Variants in TNNI1 observed in about 807,000 individuals in gnomAD.
The protein encoded by TNNI1 is troponin I1, slow skeletal type.
A neutral mutation model predicts 26.7 loss-of-function variants in TNNI1; 14 were observed. The ratio of observed to expected loss-of-function variants is 0.52; its 90% CI spans 0.35 to 0.82. TNNI1 has a LOEUF of 0.82. Ranked by LOEUF, TNNI1 falls within the 40% of genes least tolerant of loss-of-function variation. TNNI1 has a pLI of 0.01. For missense variants in TNNI1, 164 were observed against 257.0 expected (o/e 0.64, Z 2.47); for synonymous variants, 79 against 98.2 (o/e 0.80, Z 1.16).
At position 201,412,912 on chromosome 1, in the gene TNNI1, T is replaced by C; in HGVS notation, c.279+120A>G. 3 of 971,972 alleles carry C rather than the reference T, an allele frequency of 3.1e-6. No homozygotes were observed. The East Asian group carries it at 7.2e-5, about 23-fold the overall frequency. 60.2% of individuals were successfully genotyped at this position (971,972 alleles called of 1,614,324 possible). A position where few individuals can be genotyped will look rare whatever the true frequency, so the allele number is the denominator to read the frequency against. On this transcript the variant is annotated intron_variant, in intron 6 of 8. Coordinates refer to ENST00000361379, the MANE Select transcript of TNNI1 (RefSeq NM_003281.4). Reference sequence around the variant, plus strand: ...CTAGGGCAGACAAACCAAAGTTTCCTGCTTAAGTGGCCCCTTCCTAGGCCC... The same window carrying C: ...CTAGGGCAGACAAACCAAAGTTTCCCGCTTAAGTGGCCCCTTCCTAGGCCC...
intron 7 of TNNI1, 65 bp from the exon 8 acceptor site, chr1:201,410,500 G>A: frequency 1.4e-6 from 2 of 1,415,780 alleles, no homozygotes; most frequent in South Asian, 2.3e-5. Flanking sequence ...CTCAAGAGAA[G>A]CTGGGTGATA....
intron 5 of TNNI1, among the ~76,000 whole-genome samples, chr1:201,413,641 A>T (rs577990838): frequency 1.3e-5 from 2 of 151,950 alleles, no homozygotes; most frequent in East Asian, 3.9e-4. Flanking sequence ...GCTACTTAGT[A>T]GATTGAGACA....
intron 6 of TNNI1, among the ~76,000 whole-genome samples, chr1:201,412,342 G>A (rs181124195): frequency 6.6e-6 from 1 of 152,276 alleles, no homozygotes; most frequent in African/African-American, 2.4e-5. Flanking sequence ...TCTAGGGGGA[G>A]TTCTTAGGAG....
At chr1:201,413,785 C>G (rs1341982863) in intron 5 of TNNI1, among the ~76,000 whole-genome samples, 1 of 152,122 alleles carries the variant, frequency 6.6e-6, no homozygotes, top group Non-Finnish European at 1.5e-5. Context: ...TCATTGCAGC[C>G]TCAACCTCCT....
At chr1:201,410,815 A>G (rs1251626457) in intron 7 of TNNI1, among the ~76,000 whole-genome samples, 1 of 152,112 alleles carries the variant, frequency 6.6e-6, no homozygotes, top group Admixed American at 6.5e-5. Context: ...TTTCCTCAGT[A>G]TATTGTCTGG....
At chr1:201,415,284 G>A (rs1263901438) in intron 3 of TNNI1, 30 bp from the exon 4 acceptor site, 7 of 1,612,694 alleles carry the variant, frequency 4.3e-6, no homozygotes, top group Non-Finnish European at 5.9e-6. Context: ...GAGACAGGTG[G>A]TGAGGCAGAG....
At chr1:201,416,994 C>A in intron 3 of TNNI1, 122 bp downstream of exon 3, 2 of 1,162,112 alleles carry the variant, frequency 1.7e-6, no homozygotes, top group Non-Finnish European at 1.3e-6. Flanking sequence ...TACCCTACAC[C>A]CCCTGGACTC....
chr1:201,411,351 C>T lies in TNNI1; in HGVS notation c.456+6G>A, dbSNP rs1332787479. The T allele has an allele frequency of 6.2e-7, 1 of 1,613,204 alleles. No homozygotes were observed. The highest frequency in any genetic ancestry group is 1.3e-5 in the African/African-American group (1 of 74,874). ...GGGTGGAATGTTCTGAGGAAAGGGA[C>T]CTCACCTTCTCTGTGTCTTCCTTCT... is the stretch of plus-strand genomic sequence containing the variant. On this transcript the variant is annotated splice_donor_region_variant and intron_variant, in intron 7 of 8. Transcript: ENST00000361379. The surrounding 1 kb of genome is among the most constrained non-coding windows in gnomAD (Gnocchi z 4.6).
intron 2 of TNNI1, 113 bp downstream of exon 2, chr1:201,417,670 C>T: frequency 2.2e-6 from 2 of 922,848 alleles, no homozygotes; most frequent in East Asian, 6.2e-5. Flanking sequence ...AGGACCTGGT[C>T]TCTTAGGGAA....
At chr1:201,418,289 T>C (rs1662791259) in intron 1 of TNNI1, among the ~76,000 whole-genome samples, 1 of 151,724 alleles carries the variant, frequency 6.6e-6, no homozygotes, top group South Asian at 2.1e-4. Flanking sequence ...GCCAATATGG[T>C]CAAACCCCGT....
At position 201,405,875 on chromosome 1, in the gene TNNI1, G is replaced by C. The variant is rs1438326980; in HGVS notation, c.*3378C>G. 1 of 152,366 alleles carries C rather than the reference G, an allele frequency of 6.6e-6. No individual in the cohort carries two copies. Among genetic ancestry groups the C allele is most frequent in the East Asian group, 1.9e-4 (1 of 5,200 alleles). The allele number at this position is 152,366 out of a possible 1,614,324, so 9.4% of individuals were successfully genotyped here. A position where few individuals can be genotyped will look rare whatever the true frequency, so the allele number is the denominator to read the frequency against. On this transcript the variant is annotated 3_prime_UTR_variant, in exon 9 of 9. Coordinates refer to ENST00000361379, the MANE Select transcript of TNNI1 (RefSeq NM_003281.4). ...GGCCCATCTCCACCAGCTGCAGAGA[G>C]AGGGGGTGCCCACCCAGCTATTGTG...
chr1:201,420,865 C>T (rs1267129989), intron 1 of TNNI1, among the ~76,000 whole-genome samples: 3 of 152,184 alleles, frequency 2.0e-5, no homozygotes, highest in African/African-American at 7.2e-5. Flanking sequence ...CAGGTGCTGC[C>T]TTCAGCCCCC....
intron 5 of TNNI1, 82 bp downstream of exon 5, chr1:201,414,436 C>G: frequency 7.8e-7 from 1 of 1,285,258 alleles, no homozygotes; most frequent in Non-Finnish European, 1.0e-6. Context: ...GGTGTTAGTT[C>G]AGGCTCCTGC....
At chr1:201,417,453 T>A (rs954730658) in intron 2 of TNNI1, among the ~76,000 whole-genome samples, 2 of 152,070 alleles carry the variant, frequency 1.3e-5, no homozygotes, top group African/African-American at 4.8e-5. Context: ...CACGGGTGCG[T>A]GGGTAAATTC....
At chr1:201,415,534 T>C (rs1240018371) in intron 3 of TNNI1, among the ~76,000 whole-genome samples, 1 of 151,510 alleles carries the variant, frequency 6.6e-6, no homozygotes, top group African/African-American at 2.4e-5. Context: ...ACATGGCTTC[T>C]ACAGGCACCT....
chr1:201,414,231 C>A lies in TNNI1; in HGVS notation c.189+287G>T, dbSNP rs950567746. 2.0e-5 allele frequency among the ~76,000 whole-genome samples: 3 copies of A among 152,184 alleles called. No individual in the cohort carries two copies. In the East Asian group the frequency reaches 5.8e-4, roughly 29 times the overall value. ...GTGGGGCTTCTCCCAACCCCGGCCG[C>A]CTCCCCACTCCATGCCACCACACTG... On this transcript the variant is annotated intron_variant, in intron 5 of 8. Coordinates refer to ENST00000361379, the MANE Select transcript of TNNI1 (RefSeq NM_003281.4).
In TNNI1 at chr1:201,411,398, G is replaced by A. The variant is rs1485635367; in HGVS notation, c.415C>T (p.Arg139Trp). The stretch of plus-strand genomic sequence containing the variant: ...TTCTTCACAGACTTGAGGTTGGCCC[G>A]CAGATCCATGGACACCTTGTGCTTG... ...GSKHKVSMDL[R>W]ANLKSVKKED... Residue 139 changes from arginine (R) to tryptophan (W), a missense_variant, in exon 7 of 9, where the codon CGG (arginine) becomes TGG (tryptophan). By Grantham distance (101) the Arg-to-Trp change is moderately radical. Coordinates refer to ENST00000361379, the MANE Select transcript of TNNI1 (RefSeq NM_003281.4). The surrounding 1 kb of genome is among the most constrained non-coding windows in gnomAD (Gnocchi z 4.6). 2 of 1,613,712 alleles carry A rather than the reference G, an allele frequency of 1.2e-6. No individual in the cohort carries two copies. Among genetic ancestry groups the A allele is most frequent in the East Asian group, 2.2e-5 (1 of 44,858 alleles).
At chr1:201,418,446 T>C (rs1366495723) in intron 1 of TNNI1, among the ~76,000 whole-genome samples, 6 of 136,804 alleles carry the variant, frequency 4.4e-5, no homozygotes, top group African/African-American at 1.4e-4. Context: ...CCAGCCTGGG[T>C]AACAGAATGA....
At position 201,415,234 on chromosome 1, in the gene TNNI1, G is replaced by A. The variant is rs1662713016; in HGVS notation, c.36C>T (p.Ala12=). 6.2e-7 allele frequency: 1 copy of A among 1,614,166 alleles called. No individual in the cohort carries two copies. Among genetic ancestry groups the A allele is most frequent in the Non-Finnish European group, 8.5e-7 (1 of 1,180,036 alleles). The part of the protein sequence containing the change: ...PEVERKPKIT[A]SRKLLLKSLM... ...TCACCTTCAGCAAGAGTTTGCGGGA[G>A]GCAGTGATCTTGGGTTTTCTCTGTG... Residue 12 remains alanine (A), a synonymous_variant, in exon 4 of 9, where the codon GCC becomes GCT. Transcript: ENST00000361379.
Sources: gnomAD v4.1 joint callset for allele counts (sites outside exome capture counted in the v4.1 genomes callset) on GRCh38, gnomAD v4.1.1 for gene constraint, Gnocchi (gnomAD v3.1) non-coding constraint, MANE v1.5 for transcripts, NCBI Gene and HGNC (gene_info 2026-07-23, HGNC 2026-07-21) for gene names.